Variants in HAUS8 observed in about 807,000 individuals in gnomAD.
HAUS8 encodes the protein HAUS augmin like complex subunit 8.
Under a neutral mutation model 42.9 loss-of-function variants are expected in HAUS8, and 38 were observed. The ratio of observed to expected loss-of-function variants is 0.89; its 90% CI spans 0.68 to 1.16. The LOEUF (loss-of-function observed/expected upper bound fraction) is 1.16. Ranked by LOEUF, HAUS8 falls within the 50% of genes most tolerant of loss-of-function variation. HAUS8 has a pLI of 0.00. For missense variants in HAUS8, 494 were observed against 511.6 expected (o/e 0.97, Z 0.33); for synonymous variants, 199 against 205.8 (o/e 0.97, Z 0.28).
rs938073516 is a variant in HAUS8, at chr19:17,068,836, T to C, written c.147+195A>G. Among the ~76,000 whole-genome samples, 50 of 152,114 alleles carry C rather than the reference T, an allele frequency of 3.3e-4. No homozygotes were observed. Among genetic ancestry groups the C allele is most frequent in the African/African-American group, 1.2e-3 (48 of 41,434 alleles). Reference sequence around the variant, plus strand: ...CACAGCTTCGTAAAAGAGATGCTTATAGCCATGAGCCGTCGATGACAGACT... The same window carrying C: ...CACAGCTTCGTAAAAGAGATGCTTACAGCCATGAGCCGTCGATGACAGACT... On this transcript the variant is annotated intron_variant, in intron 3 of 10. Transcript: ENST00000253669.
chr19:17,066,202 T>A (rs1373565606), intron 3 of HAUS8, among the ~76,000 whole-genome samples: 3 of 152,050 alleles, frequency 2.0e-5, no homozygotes, highest in African/African-American at 7.2e-5. Context: ...TCTTCCCACC[T>A]TGACCTCCCA....
At chr19:17,061,507 C>T (rs1568638054) in intron 4 of HAUS8, among the ~76,000 whole-genome samples, 2 of 152,122 alleles carry the variant, frequency 1.3e-5, no homozygotes, top group African/African-American at 2.4e-5. Flanking sequence ...ATAGCATTTG[C>T]ACTAAAAAAA....
At chr19:17,075,136 A>C (rs1188786452) in intron 1 of HAUS8, 1 of 542,788 alleles carries the variant, frequency 1.8e-6, no homozygotes, top group African/African-American at 1.9e-5. Flanking sequence ...GAGGAAAGCG[A>C]GGCACTGGGC....
intron 1 of HAUS8, 55 bp downstream of exon 1, chr19:17,075,339 T>C: frequency 6.3e-7 from 1 of 1,598,192 alleles, no homozygotes. Context: ...CCGCTGCCCA[T>C]CCTCTCCAGC....
chr19:17,050,014 C>T lies in HAUS8; in HGVS notation c.1092G>A (p.Thr364=), dbSNP rs145259987. The T allele has an allele frequency of 5.0e-6, 8 of 1,608,190 alleles. No homozygotes were observed. Among genetic ancestry groups the T allele is most frequent in the African/African-American group, 4.0e-5 (3 of 74,508 alleles). The change falls in exon 11 of 11, where the codon ACG becomes ACA. Residue 364 remains threonine (T), a synonymous_variant. Coordinates refer to ENST00000253669, the MANE Select transcript of HAUS8 (RefSeq NM_033417.2). ...CRESGGAPKN[T]PLSEDDNPGA... ...CCGGGTTGTCGTCCTCAGACAGGGG[C>T]GTGTTCTTGGGTGCTCCCCCAGATT... is the stretch of plus-strand genomic sequence containing the variant.
chr19:17,055,144 ATATATATATATATATATATATATAT>A (rs1307950947), intron 9 of HAUS8: 4 of 2,382 alleles, frequency 1.7e-3, no homozygotes, highest in African/African-American at 4.3e-3. Context: ...AAAAAAAAAA[ATATATATATATATATATATATATAT>A]ATATATATAT....
At chr19:17,059,693 T>C (rs369513267) in intron 5 of HAUS8, 42 bp from the exon 6 acceptor site, 10 of 1,392,008 alleles carry the variant, frequency 7.2e-6, no homozygotes, top group African/African-American at 1.4e-5. Flanking sequence ...GTAGCGTATA[T>C]AGACTGGTCC....
rs773572277 is a variant in HAUS8 at position 17,062,737 on chromosome 19, C to G, written c.190G>C (p.Glu64Gln). Residue 64 changes from glutamate to glutamine, a missense_variant, in exon 4 of 11, where the codon GAA (glutamate) becomes CAA (glutamine). Glu to Gln is a conservative substitution (Grantham distance 29). Coordinates refer to ENST00000253669, the MANE Select transcript of HAUS8 (RefSeq NM_033417.2). ...AGCAGGCTGGATTTCCTTCCACCTT[C>G]AGACATCTTCCCTCGGGTCTGTGAC... ...DGSQTRGKMS[E>Q]GGRKSSLLQK... The G allele has an allele frequency of 4.3e-6, 7 of 1,614,198 alleles. No individual in the cohort carries two copies. The Admixed American group carries it at 6.7e-5, about 15-fold the overall frequency.
intron 9 of HAUS8, 33 bp downstream of exon 9, chr19:17,055,828 G>C: frequency 6.3e-7 from 1 of 1,599,792 alleles, no homozygotes; most frequent in Non-Finnish European, 8.5e-7. Flanking sequence ...CGCCCCGCCT[G>C]CTGCACACGC....
At position 17,049,954 on chromosome 19, in the gene HAUS8, G is replaced by A; in HGVS notation, c.1152C>T (p.Ile384=). ...ASSAPAQATF[I]SPSEDFSSSS... ...TTGAAGAAAAATCTTCGCTTGGGCT[G>A]ATGAACGTGGCCTGAGCGGGGGCTG... Residue 384 remains isoleucine, a synonymous_variant, in exon 11 of 11, where the codon ATC becomes ATT. Coordinates refer to ENST00000253669, the MANE Select transcript of HAUS8 (RefSeq NM_033417.2). 1.3e-6 allele frequency: 2 copies of A among 1,570,996 alleles called. No individual in the cohort carries two copies. The highest frequency in any genetic ancestry group is 1.2e-5 in the South Asian group (1 of 85,502).
chr19:17,055,138 AAAAAAAT>A (rs2057314126), intron 9 of HAUS8: 1 of 29,614 alleles, frequency 3.4e-5, no homozygotes, highest in Non-Finnish European at 5.6e-5. Flanking sequence ...AAAAAAAAAA[AAAAAAAT>A]ATATATATAT....
chr19:17,056,055 C>G (rs1225762733), intron 8 of HAUS8, 53 bp from the exon 9 acceptor site: 2 of 1,575,216 alleles, frequency 1.3e-6, no homozygotes, highest in East Asian at 4.5e-5. Flanking sequence ...TCTCTGGAAA[C>G]TTAACAGAAG....
At chr19:17,068,317 T>C (rs1455265810) in intron 3 of HAUS8, among the ~76,000 whole-genome samples, 1 of 152,080 alleles carries the variant, frequency 6.6e-6, no homozygotes, top group Non-Finnish European at 1.5e-5. Context: ...TTTCGCCATG[T>C]TGGCCAGGCT....
At chr19:17,075,281 T>C (rs550187426) in intron 1 of HAUS8, 113 bp downstream of exon 1, 19 of 1,201,076 alleles carry the variant, frequency 1.6e-5, no homozygotes, top group East Asian at 1.2e-4. Flanking sequence ...GCGCAGTTCC[T>C]GGCGGGGTCG....
chr19:17,072,181 A>G (rs1227277796), intron 2 of HAUS8, among the ~76,000 whole-genome samples: 1 of 152,092 alleles, frequency 6.6e-6, no homozygotes, highest in Admixed American at 6.6e-5. Flanking sequence ...GCAATGCTGA[A>G]ACATACAAAC....
At chr19:17,063,387 C>A (rs1178587987) in intron 3 of HAUS8, among the ~76,000 whole-genome samples, 1 of 152,218 alleles carries the variant, frequency 6.6e-6, no homozygotes, top group African/African-American at 2.4e-5. Flanking sequence ...ACACCACTCT[C>A]ATTCAATATC....
chr19:17,052,707 AG>A, intron 10 of HAUS8, 117 bp downstream of exon 10: 1 of 1,027,582 alleles, frequency 9.7e-7, no homozygotes, highest in South Asian at 1.5e-5. Flanking sequence ...CAGCTCGCTC[AG>A]GGGACTGAAC....
At chr19:17,074,580 G>A (rs1241925678) in intron 1 of HAUS8, 3 of 152,278 alleles carry the variant, frequency 2.0e-5, no homozygotes, top group Admixed American at 2.0e-4. Flanking sequence ...TCCCTCTGGG[G>A]ACTGTGCTAG....
rs546946413 is a variant in HAUS8 at position 17,062,752 on chromosome 19, G to A, written c.175C>T (p.Arg59Ter). 20 of 1,613,898 alleles carry A rather than the reference G, an allele frequency of 1.2e-5. No homozygotes were observed. Among genetic ancestry groups the A allele is most frequent in the East Asian group, 6.7e-5 (3 of 44,878 alleles). ...CTTCCACCTTCAGACATCTTCCCTC[G>A]GGTCTGTGACCCATCTCCTGCAGGA... ...KAPAGDGSQT[R>*]GKMSEGGRKS... The change falls in exon 4 of 11, where the codon CGA (arginine) becomes TGA (stop). Residue 59 changes from arginine to a stop codon, truncating the protein, a stop_gained. Coordinates refer to ENST00000253669, the MANE Select transcript of HAUS8 (RefSeq NM_033417.2). LOFTEE classifies it high-confidence loss of function.
Sources: allele counts gnomAD v4.1 joint callset (sites outside exome capture counted in the v4.1 genomes callset), GRCh38; gene constraint gnomAD v4.1.1; transcripts MANE v1.5; gene names NCBI Gene and HGNC (gene_info 2026-07-23, HGNC 2026-07-21).